Variants in PKLR observed in about 807,000 individuals in gnomAD.
PKLR encodes the protein pyruvate kinase PKLR.
Under a neutral mutation model 53.6 loss-of-function variants are expected in PKLR, and 38 were observed. The observed-to-expected ratio is 0.71, with a 90% confidence interval of 0.55 to 0.93. The LOEUF is 0.93. Ranked by LOEUF, PKLR falls within the 40% of genes least tolerant of loss-of-function variation. The pLI is 0.00. For synonymous variants in PKLR, 328 were observed against 316.2 expected (o/e 1.04, Z -0.39); for missense variants, 702 against 787.3 (o/e 0.89, Z 1.30).
intron 5 of PKLR, 142 bp from the exon 6 acceptor site, chr1:155,294,894 G>A: frequency 3.3e-6 from 4 of 1,206,764 alleles, no homozygotes; most frequent in Non-Finnish European, 2.4e-6. Flanking sequence ...GGCTTCGCCC[G>A]GAAGAGGCAC....
In PKLR at chr1:155,295,998, T is replaced by C. The variant is rs972016443; in HGVS notation, c.284-242A>G. Among the ~76,000 whole-genome samples the C allele has an allele frequency of 6.6e-6, 1 of 152,028 alleles. No homozygotes were observed. Among genetic ancestry groups the C allele is most frequent in the Non-Finnish European group, 1.5e-5 (1 of 67,988 alleles). On this transcript the variant is annotated intron_variant, in intron 2 of 10. Coordinates refer to ENST00000342741, the MANE Select transcript of PKLR (RefSeq NM_000298.6). The surrounding 1 kb of genome is among the most constrained non-coding windows in gnomAD (Gnocchi z 4.3). ...GGAGTGCCCTCCGCCAGGCCTGAGGTCACTGTATGGGCATGTATGGGCACT... is the reference window on the plus strand; with the variant it reads ...GGAGTGCCCTCCGCCAGGCCTGAGGCCACTGTATGGGCATGTATGGGCACT...
At chr1:155,305,695 T>C (rs974090589), upstream of PKLR, among the ~76,000 whole-genome samples, 11 of 152,110 alleles carry the variant, frequency 7.2e-5, no homozygotes, top group African/African-American at 2.7e-4. Flanking sequence ...AGTATCATGA[T>C]CTCTGCTCAC....
rs1052177 is a variant in PKLR at position 155,290,559 on chromosome 1, A to G, written c.*13T>C. ...GTACAAGGGTAGGCTGGGCCAGAGG[A>G]GGGAGGGGCGTCTCAGGATATGCTT... On this transcript the variant is annotated 3_prime_UTR_variant, in exon 11 of 11. Coordinates refer to ENST00000342741, the MANE Select transcript of PKLR (RefSeq NM_000298.6). 441,004 of 1,523,606 alleles carry G rather than the reference A, an allele frequency of 0.29. 71,590 individuals carry two copies. Among genetic ancestry groups the G allele is most frequent in the East Asian group, 0.72 (31,895 of 44,232 alleles). The allele number at this position is 1,523,606 out of a possible 1,614,324, so 94.4% of individuals were successfully genotyped here.
In PKLR at chr1:155,295,257, C is replaced by T. The variant is rs1478312403; in HGVS notation, c.553G>A (p.Val185Met). The change falls in exon 5 of 11, where the codon GTG (valine) becomes ATG (methionine). Residue 185 changes from valine to methionine, a missense_variant. Transcript: ENST00000342741. This position sits in a 1 kb window ranked among gnomAD's most constrained non-coding sequence, Gnocchi z 4.3. ...VELVKGSQVL[V>M]TVDPAFRTRG... is the part of the protein sequence containing the mutation. ...GTCCGGAACGCGGGGTCCACAGTCA[C>T]CAGCACCTGGGAGCCCTTCACCAGC... 7.4e-6 allele frequency: 12 copies of T among 1,614,028 alleles called. No homozygotes were observed. The highest frequency in any genetic ancestry group is 9.3e-6 in the Non-Finnish European group (11 of 1,180,020).
the PKLR span, chr1:155,308,428 C>G: frequency 2.7e-6 from 1 of 373,430 alleles, no homozygotes; most frequent in Non-Finnish European, 3.7e-6. Flanking sequence ...GGTATTACCA[C>G]CCTCATTCAA....
At chr1:155,292,997 GCC>G (rs1274705435) in intron 9 of PKLR, among the ~76,000 whole-genome samples, 178 bp downstream of exon 9, 1 of 152,086 alleles carries the variant, frequency 6.6e-6, no homozygotes, top group Non-Finnish European at 1.5e-5. Flanking sequence ...TCCCCTTCCA[GCC>G]CCCAGAAGCT....
Position 155,295,394 on chromosome 1 carries a change from C to T in PKLR, c.507+43G>A, listed in dbSNP as rs1355015206. The T allele has an allele frequency of 1.3e-5, 21 of 1,612,518 alleles. No homozygotes were observed. The highest frequency in any genetic ancestry group is 1.8e-5 in the Non-Finnish European group (21 of 1,179,378). ...CCTGGGCCCAACCCTACAGGCGCCG[C>T]CTTTCCGGCCCTGGCCCAGCGAGTC... On this transcript the variant is annotated intron_variant, in intron 4 of 10. Coordinates refer to ENST00000342741, the MANE Select transcript of PKLR (RefSeq NM_000298.6). This position sits in a 1 kb window ranked among gnomAD's most constrained non-coding sequence, Gnocchi z 4.3.
the PKLR span, among the ~76,000 whole-genome samples, chr1:155,306,916 T>C: frequency 6.6e-6 from 1 of 152,144 alleles, no homozygotes; most frequent in African/African-American, 2.4e-5. This position sits in a 1 kb window ranked among gnomAD's most constrained non-coding sequence, Gnocchi z 4.2. Flanking sequence ...CGGTGAGTGT[T>C]ACAGCTGTTA....
chr1:155,295,779 A>G lies in PKLR; in HGVS notation c.284-23T>C, dbSNP rs1193778151. On this transcript the variant is annotated intron_variant, in intron 2 of 10. Transcript: ENST00000342741. The surrounding 1 kb of genome is among the most constrained non-coding windows in gnomAD (Gnocchi z 4.3). ...GCCCTAGAACCAGAGATTCACGTTC[A>G]GACAACGTTCCCCCAGAACATGAGA... The G allele has an allele frequency of 3.1e-6, 5 of 1,603,304 alleles. No individual in the cohort carries two copies. Among genetic ancestry groups the G allele is most frequent in the Non-Finnish European group, 4.3e-6 (5 of 1,170,204 alleles).
intron 1 of PKLR, chr1:155,300,984 C>T: frequency 6.4e-7 from 1 of 1,559,434 alleles, no homozygotes. Context: ...GGGATCAGTT[C>T]TGCAGACTGG....
At position 155,293,182 on chromosome 1, in the gene PKLR, A is replaced by G. The variant is rs1388130982; in HGVS notation, c.1431T>C (p.Thr477=). ...ATTCCCAATATCCCCCTCACCGGCC[A>G]GTTGTGGTCAGCACAATGATGGCAG... The part of the protein sequence containing the change: ...CAAAIIVLTT[T]GRSAQLLSRY... Residue 477 remains threonine, a synonymous_variant, in exon 9 of 11, where the codon ACT becomes ACC. Coordinates refer to ENST00000342741, the MANE Select transcript of PKLR (RefSeq NM_000298.6). The surrounding 1 kb of genome is among the most constrained non-coding windows in gnomAD (Gnocchi z 4.2). 6.7e-6 allele frequency: 10 copies of G among 1,492,556 alleles called. No individual in the cohort carries two copies. Among genetic ancestry groups the G allele is most frequent in the Non-Finnish European group, 9.0e-6 (10 of 1,107,308 alleles). 92.5% of individuals were successfully genotyped at this position (1,492,556 alleles called of 1,614,324 possible). A position where few individuals can be genotyped will look rare whatever the true frequency, so the allele number is the denominator to read the frequency against.
At chr1:155,303,379 C>T (rs907276999), upstream of PKLR, among the ~76,000 whole-genome samples, 16 of 152,180 alleles carry the variant, frequency 1.1e-4, no homozygotes, top group Non-Finnish European at 1.5e-5. Context: ...TTACCATTTG[C>T]CCATTCCCCA....
chr1:155,306,841 C>T, the PKLR span, among the ~76,000 whole-genome samples: 8 of 152,238 alleles, frequency 5.3e-5, no homozygotes, highest in Non-Finnish European at 1.0e-4. The surrounding 1 kb of genome is among the most constrained non-coding windows in gnomAD (Gnocchi z 4.2). Flanking sequence ...CAGATGTGTT[C>T]GGAGTTTTTT....
intron 2 of PKLR, 36 bp downstream of exon 2, chr1:155,300,062 G>T: frequency 6.4e-7 from 1 of 1,573,588 alleles, no homozygotes. Flanking sequence ...AATACCAATA[G>T]GCCCTGTGTG....
chr1:155,307,457 G>C, the PKLR span, among the ~76,000 whole-genome samples: 1 of 152,184 alleles, frequency 6.6e-6, no homozygotes, highest in Admixed American at 6.6e-5. Context: ...CACAGGATGA[G>C]ATAGGAGATT....
rs1198673903 is a variant in PKLR at position 155,300,117 on chromosome 1, G to T, written c.264C>A (p.Thr88=). 1 of 1,613,736 alleles carries T rather than the reference G, an allele frequency of 6.2e-7. No homozygotes were observed. The highest frequency in any genetic ancestry group is 1.3e-5 in the African/African-American group (1 of 74,944). Residue 88 remains threonine, a synonymous_variant, in exon 2 of 11, where the codon ACC becomes ACA. Coordinates refer to ENST00000342741, the MANE Select transcript of PKLR (RefSeq NM_000298.6). ...IDSEPVAARS[T]SIIATIGPAS... ...GCTTACCGATGGTGGCAATGATGCT[G>T]GTACTGCGAGCAGCCACGGGCTCGG...
At position 155,290,453 on chromosome 1, in the gene PKLR, G is replaced by T; in HGVS notation, c.*119C>A. 1.4e-6 allele frequency: 1 copy of T among 704,356 alleles called. No homozygotes were observed. 43.6% of individuals were successfully genotyped at this position (704,356 alleles called of 1,614,324 possible). A position where few individuals can be genotyped will look rare whatever the true frequency, so the allele number is the denominator to read the frequency against. On this transcript the variant is annotated 3_prime_UTR_variant, in exon 11 of 11. Coordinates refer to ENST00000342741, the MANE Select transcript of PKLR (RefSeq NM_000298.6). The stretch of plus-strand genomic sequence containing the variant: ...GATAGGCCTCAGGTAGGGAGGGTCA[G>T]GAATAGAGAAGAGAGGACTTAAAGG...
upstream of PKLR, among the ~76,000 whole-genome samples, chr1:155,306,068 A>C (rs1648226371): frequency 6.6e-6 from 1 of 152,150 alleles, no homozygotes; most frequent in South Asian, 2.1e-4. The surrounding 1 kb of genome is among the most constrained non-coding windows in gnomAD (Gnocchi z 4.2). Flanking sequence ...TGTCCTGTCC[A>C]GCTAAGGGAC....
intron 9 of PKLR, among the ~76,000 whole-genome samples, chr1:155,292,713 T>C (rs1445491823): frequency 6.6e-6 from 1 of 152,126 alleles, no homozygotes; most frequent in Non-Finnish European, 1.5e-5. Context: ...CATTATGTGC[T>C]TAATTTACTA....
Sources: allele counts gnomAD v4.1 joint callset (sites outside exome capture counted in the v4.1 genomes callset), GRCh38; gene constraint gnomAD v4.1.1; non-coding constraint Gnocchi (gnomAD v3.1); transcripts MANE v1.5; gene names NCBI Gene and HGNC (gene_info 2026-07-23, HGNC 2026-07-21).